The following SEL1L2 variants were observed in gnomAD, a reference collection of about 807,000 sequenced individuals.
The protein encoded by SEL1L2 is SEL1L2 adaptor subunit of SYVN1 ubiquitin ligase, also known as protein sel-1 homolog 2.
In SEL1L2, 89 loss-of-function variants were observed where a neutral mutation model predicts 98.8. That is an observed-to-expected ratio of 0.90 (90% confidence interval 0.76 to 1.07). The LOEUF is 1.07. Among genes scored for constraint, SEL1L2 ranks in the 50% least tolerant of loss-of-function variants. The pLI is 0.00. For missense variants in SEL1L2, 788 were observed against 812.0 expected, an observed-to-expected ratio of 0.97 and a Z score of 0.36; for synonymous variants, 262 against 278.5, an observed-to-expected ratio of 0.94 and a Z score of 0.59.
At chr20:13,885,449 T>C (rs999557630) in intron 9 of SEL1L2, 46 bp from the exon 10 acceptor site, 3 of 1,236,790 alleles carry the variant, frequency 2.4e-6, no homozygotes, top group Non-Finnish European at 3.6e-6. Flanking sequence ...AGTATTACTT[T>C]AAATAAAGAA....
At chr20:13,952,251 G>A (rs2050310246) in intron 2 of SEL1L2, among the ~76,000 whole-genome samples, 1 of 152,132 alleles carries the variant, frequency 6.6e-6, no homozygotes, top group Admixed American at 6.5e-5. Context: ...TCAGGTCAAA[G>A]CCCTAGGAAA....
chr20:13,918,777 T>C (rs1315831146), intron 4 of SEL1L2, among the ~76,000 whole-genome samples: 1 of 152,234 alleles, frequency 6.6e-6, no homozygotes, highest in Non-Finnish European at 1.5e-5. Flanking sequence ...CTCAGGTCAG[T>C]GTCTTAATTC....
At chr20:13,865,553 A>T in intron 15 of SEL1L2, 39 bp from the exon 16 acceptor site, 3 of 1,558,604 alleles carry the variant, frequency 1.9e-6, no homozygotes, top group Non-Finnish European at 2.6e-6. Context: ...CTAGTTAGCC[A>T]GTATGCTTCA....
chr20:13,915,526 C>A (rs1216491556), intron 4 of SEL1L2, among the ~76,000 whole-genome samples: 1 of 152,158 alleles, frequency 6.6e-6, no homozygotes, highest in African/African-American at 2.4e-5. Flanking sequence ...AGGAGGAGCA[C>A]CAGCATGGAC....
intron 2 of SEL1L2, among the ~76,000 whole-genome samples, chr20:13,950,414 G>A (rs2050209729): frequency 6.6e-6 from 1 of 152,114 alleles, no homozygotes; most frequent in African/African-American, 2.4e-5. Flanking sequence ...GTGGTCCTGG[G>A]GTGATGAGGT....
Position 13,913,854 on chromosome 20 carries a change from G to A in SEL1L2, c.477C>T (p.Gly159=), listed in dbSNP as rs372295671. ...MADALLFGNF[G]VQNITAAIQL... Reference sequence around the variant, plus strand: ...GGATAGCTGCTGTTATATTTTGCACGCCAAAATTTCCAAATAGCAAAGCGT... The same window carrying A: ...GGATAGCTGCTGTTATATTTTGCACACCAAAATTTCCAAATAGCAAAGCGT... The change falls in exon 5 of 20, where the codon GGC becomes GGT. Residue 159 remains glycine (G), a synonymous_variant. Transcript: ENST00000284951. 4.9e-5 allele frequency: 77 copies of A among 1,557,450 alleles called. No individual in the cohort carries two copies. The African/African-American group carries it at 6.2e-4, about 13-fold the overall frequency.
chr20:13,854,115 G>T (rs1210486979), intron 18 of SEL1L2, among the ~76,000 whole-genome samples: 1 of 152,160 alleles, frequency 6.6e-6, no homozygotes, highest in African/African-American at 2.4e-5. Context: ...TCCATGGGTG[G>T]TCAGACCAGA....
At chr20:13,979,513 T>A (rs1181145893) in intron 1 of SEL1L2, among the ~76,000 whole-genome samples, 1 of 152,204 alleles carries the variant, frequency 6.6e-6, no homozygotes, top group African/African-American at 2.4e-5. Context: ...GCATCGTTGA[T>A]GAAATTGATG....
At position 13,865,167 on chromosome 20, in the gene SEL1L2, C is replaced by T; in HGVS notation, c.1645G>A (p.Gly549Ser). ...LLLWNRAAIQGNAFARVKIGD... is the reference protein window; with the variant it reads ...LLLWNRAAIQSNAFARVKIGD... ...GCTTATTTTTATCTGGGTTCCATACCTTGAATGGCAGCTCGATTCCATAGG... is the reference window on the plus strand; with the variant it reads ...GCTTATTTTTATCTGGGTTCCATACTTTGAATGGCAGCTCGATTCCATAGG... The change falls in exon 17 of 20, where the codon GGC (glycine) becomes AGC (serine). Residue 549 changes from glycine (G) to serine (S), a missense_variant and splice_region_variant. Coordinates refer to ENST00000284951, the MANE Select transcript of SEL1L2 (RefSeq NM_025229.2). The T allele has an allele frequency of 6.2e-7, 1 of 1,610,940 alleles. No individual in the cohort carries two copies. The highest frequency in any genetic ancestry group is 8.5e-7 in the Non-Finnish European group (1 of 1,177,746).
chr20:13,853,174 A>C (rs1988550380), intron 18 of SEL1L2, among the ~76,000 whole-genome samples: 1 of 152,100 alleles, frequency 6.6e-6, no homozygotes, highest in Admixed American at 6.5e-5. Flanking sequence ...AATAATATGC[A>C]GTGTCCTAAT....
At chr20:13,855,334 C>T (rs904834825) in intron 18 of SEL1L2, among the ~76,000 whole-genome samples, 9 of 151,430 alleles carry the variant, frequency 5.9e-5, no homozygotes, top group African/African-American at 2.2e-4. Context: ...GAAGTCTGGA[C>T]TTCATTTAGC....
In SEL1L2 at chr20:13,849,607, GC is replaced by G; in HGVS notation, c.1948-4del. Reference sequence around the variant, plus strand: ...AGCCAGTTCCATCTCGTTGTGAACTGCTGGCAAGAGACATTCTCTCAAAAAC... The same window carrying G: ...AGCCAGTTCCATCTCGTTGTGAACTGTGGCAAGAGACATTCTCTCAAAAAC... On this transcript the variant is annotated splice_region_variant and splice_polypyrimidine_tract_variant and intron_variant, in intron 19 of 19. Transcript: ENST00000284951. 6.2e-7 allele frequency: 1 copy of G among 1,613,364 alleles called. No homozygotes were observed. The highest frequency in any genetic ancestry group is 8.5e-7 in the Non-Finnish European group (1 of 1,179,642).
chr20:13,980,371 C>T (rs370017218), intron 1 of SEL1L2, among the ~76,000 whole-genome samples: 31 of 152,242 alleles, frequency 2.0e-4, no homozygotes, highest in Middle Eastern at 3.4e-3. Context: ...ATGTGCCTGG[C>T]TAATTTTTTT....
intron 2 of SEL1L2, among the ~76,000 whole-genome samples, chr20:13,954,383 A>G (rs936863123): frequency 3.9e-5 from 6 of 152,090 alleles, no homozygotes; most frequent in African/African-American, 1.4e-4. Context: ...TAGCATGCAT[A>G]TATGGGCACT....
chr20:13,922,829 G>A (rs1431337163), intron 3 of SEL1L2, among the ~76,000 whole-genome samples: 3 of 152,074 alleles, frequency 2.0e-5, no homozygotes, highest in Non-Finnish European at 2.9e-5. Context: ...TGATTGATTT[G>A]TTTTTAAACT....
intron 18 of SEL1L2, among the ~76,000 whole-genome samples, chr20:13,854,460 G>A (rs1431123175): frequency 6.6e-6 from 1 of 152,142 alleles, no homozygotes; most frequent in African/African-American, 2.4e-5. Flanking sequence ...GAGTTAGCTG[G>A]TAGGTATGTT....
At chr20:13,987,338 G>A (rs925869864) in intron 1 of SEL1L2, among the ~76,000 whole-genome samples, 1 of 132,238 alleles carries the variant, frequency 7.6e-6, no homozygotes, top group South Asian at 2.4e-4. Context: ...TTTTGTTGTT[G>A]TTGTTGTTTT....
intron 5 of SEL1L2, among the ~76,000 whole-genome samples, chr20:13,894,773 A>G (rs2047350668): frequency 6.6e-6 from 1 of 152,200 alleles, no homozygotes; most frequent in South Asian, 2.1e-4. Context: ...GGAAAAATAC[A>G]ACCTACCAAT....
intron 17 of SEL1L2, among the ~76,000 whole-genome samples, chr20:13,860,141 T>C (rs1989867657): frequency 6.6e-6 from 1 of 152,150 alleles, no homozygotes; most frequent in Admixed American, 6.5e-5. Flanking sequence ...GTCAACAGTG[T>C]CGCCCTCTTT....
Sources: gnomAD v4.1 joint callset for allele counts (sites outside exome capture counted in the v4.1 genomes callset) on GRCh38, gnomAD v4.1.1 for gene constraint, MANE v1.5 for transcripts, NCBI Gene and HGNC (gene_info 2026-07-23, HGNC 2026-07-21) for gene names.